Variants in PIK3C2A observed in about 807,000 individuals in gnomAD.
PIK3C2A encodes the protein phosphatidylinositol 4-phosphate 3-kinase C2 domain-containing subunit alpha.
A neutral mutation model predicts 204.5 loss-of-function variants in PIK3C2A; 97 were observed. That is an observed-to-expected ratio of 0.47 (90% CI 0.40 to 0.56). The LOEUF (loss-of-function observed/expected upper bound fraction) is 0.56, where lower values mean the gene tolerates loss of function less well. Ranked by LOEUF, PIK3C2A falls within the 20% of genes least tolerant of loss-of-function variation. PIK3C2A has a pLI of 0.00. For missense variants in PIK3C2A, 1,735 were observed against 1,969.2 expected (o/e 0.88, Z 2.25); for synonymous variants, 653 against 664.4 (o/e 0.98, Z 0.26).
intron 1 of PIK3C2A, chr11:17,193,702 G>A (rs759843166): frequency 2.1e-5 from 5 of 232,660 alleles, no homozygotes; most frequent in African/African-American, 7.1e-5. Flanking sequence ...AAAAATTAGC[G>A]GGGCATGATG....
At chr11:17,103,122 C>T (rs1477058197) in intron 23 of PIK3C2A, among the ~76,000 whole-genome samples, 1 of 151,660 alleles carries the variant, frequency 6.6e-6, no homozygotes. Flanking sequence ...TTTTAAGCGT[C>T]ATGTTTGTGG....
intron 11 of PIK3C2A, among the ~76,000 whole-genome samples, chr11:17,133,607 T>C (rs1284326873): frequency 6.6e-6 from 1 of 152,184 alleles, no homozygotes; most frequent in Non-Finnish European, 1.5e-5. Context: ...TTCTGACTTT[T>C]CAGTTCATAC....
intron 1 of PIK3C2A, among the ~76,000 whole-genome samples, chr11:17,205,473 CAAAAAAAAAAAAA>C (rs755518412): frequency 1.8e-3 from 46 of 25,370 alleles, no homozygotes; most frequent in Admixed American, 0.013. Context: ...GACTCCATCT[CAAAAAAAAAAAAA>C]AAAAAAAAAA....
chr11:17,147,536 C>T lies in PIK3C2A; in HGVS notation c.1541G>A (p.Cys514Tyr), dbSNP rs1429647974. 6.2e-7 allele frequency: 1 copy of T among 1,604,454 alleles called. No homozygotes were observed. The highest frequency in any genetic ancestry group is 1.3e-5 in the African/African-American group (1 of 74,894). ...ACTTACTGTTCGGGCCAGATTTTGA[C>T]ACATTGCACTGAAGGTCAAGAGTTG... ...RLQLLTFSAMCQNLARTAEDD... is the reference protein window; with the variant it reads ...RLQLLTFSAMYQNLARTAEDD... Residue 514 changes from cysteine (C) to tyrosine (Y), a missense_variant, in exon 6 of 33, where the codon TGT becomes TAT. By Grantham distance (194) the Cys-to-Tyr change is radical. Transcript: ENST00000691414.
Position 17,087,576 on chromosome 11 carries a change from C to T in PIK3C2A, c.*2162G>A, listed in dbSNP as rs1458832196. ...TGCTAAAAGACACTGTCATAATAGA[C>T]TGCAAAAAGGCAGTACATGTTGAGT... On this transcript the variant is annotated 3_prime_UTR_variant, in exon 33 of 33. Coordinates refer to ENST00000691414, the MANE Select transcript of PIK3C2A (RefSeq NM_002645.4). 1 of 152,110 alleles carries T rather than the reference C, an allele frequency of 6.6e-6. No homozygotes were observed. The highest frequency in any genetic ancestry group is 2.4e-5 in the African/African-American group (1 of 41,420). 9.4% of individuals were successfully genotyped at this position (152,110 alleles called of 1,614,324 possible).
chr11:17,125,264 A>G (rs928635427), intron 13 of PIK3C2A, among the ~76,000 whole-genome samples: 4 of 152,126 alleles, frequency 2.6e-5, no homozygotes, highest in East Asian at 3.9e-4. Context: ...TCCAGCAGAC[A>G]TTTGGTAATT....
rs540024565 is a variant in PIK3C2A, at chr11:17,179,787, C to T, written c.-65-9981G>A. ...TATAACCAGGCCTGGCTAATGTTTT[C>T]ATTTTTTGTAGAGACAGGGTCTGGT... is the stretch of plus-strand genomic sequence containing the variant. On this transcript the variant is annotated intron_variant, in intron 1 of 32. Coordinates refer to ENST00000691414, the MANE Select transcript of PIK3C2A (RefSeq NM_002645.4). Among the ~76,000 whole-genome samples, 138 of 151,784 alleles carry T rather than the reference C, an allele frequency of 9.1e-4. 3 individuals are homozygous for T. The South Asian group carries it at 0.013, about 15-fold the overall frequency.
intron 22 of PIK3C2A, among the ~76,000 whole-genome samples, chr11:17,107,170 G>A (rs575741301): frequency 5.3e-5 from 8 of 152,082 alleles, no homozygotes; most frequent in Admixed American, 2.0e-4. Flanking sequence ...AAAATTAGCC[G>A]GGTGTCGTGG....
intron 1 of PIK3C2A, among the ~76,000 whole-genome samples, chr11:17,174,084 C>G (rs1164142561): frequency 1.3e-5 from 2 of 151,968 alleles, no homozygotes; most frequent in Non-Finnish European, 2.9e-5. Flanking sequence ...CCTCGGCCTC[C>G]CAAAGTGCTG....
intron 19 of PIK3C2A, among the ~76,000 whole-genome samples, chr11:17,117,107 A>G (rs998140299): frequency 6.6e-6 from 1 of 152,224 alleles, no homozygotes; most frequent in Non-Finnish European, 1.5e-5. Context: ...ATATCCATAT[A>G]GAAGTATAGA....
At chr11:17,100,823 C>A (rs949475831) in intron 25 of PIK3C2A, among the ~76,000 whole-genome samples, 1 of 152,288 alleles carries the variant, frequency 6.6e-6, no homozygotes, top group Non-Finnish European at 1.5e-5. Context: ...CAATTGTAGC[C>A]TTCTGTTTAT....
At chr11:17,115,231 A>G (rs1281520729) in intron 19 of PIK3C2A, among the ~76,000 whole-genome samples, 1 of 152,028 alleles carries the variant, frequency 6.6e-6, no homozygotes. Flanking sequence ...CTATAAAACT[A>G]TGGTAATTAA....
chr11:17,187,074 C>T (rs146880210), intron 1 of PIK3C2A, among the ~76,000 whole-genome samples: 11 of 152,198 alleles, frequency 7.2e-5, no homozygotes, highest in African/African-American at 9.6e-5. Flanking sequence ...TGGCTTTGGG[C>T]TCAACAGAGC....
Position 17,102,690 on chromosome 11 carries a change from G to C in PIK3C2A, c.3823C>G (p.His1275Asp), listed in dbSNP as rs771915094. 6.2e-7 allele frequency: 1 copy of C among 1,613,250 alleles called. No homozygotes were observed. The highest frequency in any genetic ancestry group is 1.1e-5 in the South Asian group (1 of 90,844). ...FHIDFGKFLGHAQMFGSFKRD... is the reference protein window; with the variant it reads ...FHIDFGKFLGDAQMFGSFKRD... ...TTGAAGCTGCCAAACATCTGTGCAT[G>C]TCCCAAAAACTTTCCAAAGTCAATG... Residue 1275 changes from histidine (H) to aspartate (D), a missense_variant, in exon 24 of 33, where the codon CAT becomes GAT. Transcript: ENST00000691414.
chr11:17,206,414 A>T (rs909173589), intron 1 of PIK3C2A, among the ~76,000 whole-genome samples: 12 of 152,044 alleles, frequency 7.9e-5, no homozygotes, highest in African/African-American at 2.9e-4. Context: ...CAAATATCTT[A>T]TATAAAAATA....
chr11:17,187,705 A>G (rs1851801362), intron 1 of PIK3C2A, among the ~76,000 whole-genome samples: 1 of 152,188 alleles, frequency 6.6e-6, no homozygotes, highest in Admixed American at 6.6e-5. Flanking sequence ...AGGTGGTATC[A>G]GAATGGCTGT....
Position 17,169,735 on chromosome 11 carries a change from G to A in PIK3C2A, c.7C>T (p.Gln3Ter). ...TTAAATCCGCTGTTGCTAGATATCTGAGCCATGTCCACTAAAAAGACCAAA... is the reference window on the plus strand; with the variant it reads ...TTAAATCCGCTGTTGCTAGATATCTAAGCCATGTCCACTAAAAAGACCAAA... MA[Q>*]ISSNSGFKEC... Residue 3 changes from glutamine to a stop codon, truncating the protein, a stop_gained, in exon 2 of 33, where the codon CAG becomes TAG. Transcript: ENST00000691414. LOFTEE classifies it high-confidence loss of function. 6.3e-7 allele frequency: 1 copy of A among 1,590,796 alleles called. No individual in the cohort carries two copies. The highest frequency in any genetic ancestry group is 8.5e-7 in the Non-Finnish European group (1 of 1,174,898).
At chr11:17,181,743 CTATTT>C (rs1298196954) in intron 1 of PIK3C2A, among the ~76,000 whole-genome samples, 9 of 149,366 alleles carry the variant, frequency 6.0e-5, no homozygotes, top group African/African-American at 1.5e-4. Context: ...ACATGAAAAA[CTATTT>C]TATTTAAGAA....
At chr11:17,117,719 T>C (rs760114344) in intron 18 of PIK3C2A, 48 bp from the exon 19 acceptor site, 2 of 1,190,096 alleles carry the variant, frequency 1.7e-6, no homozygotes, top group African/African-American at 1.6e-5. Flanking sequence ...TTTTTTTTTT[T>C]TTTTTTTTTT....
Sources: gnomAD v4.1 joint callset for allele counts (sites outside exome capture counted in the v4.1 genomes callset) on GRCh38, gnomAD v4.1.1 for gene constraint, MANE v1.5 for transcripts, NCBI Gene and HGNC (gene_info 2026-07-23, HGNC 2026-07-21) for gene names.